Variants in C12orf54 observed in about 807,000 individuals in gnomAD.
C12orf54 encodes uncharacterized protein C12orf54.
C12orf54 carries 24 observed loss-of-function variants against 26.4 expected under a neutral mutation model. That is an observed-to-expected ratio of 0.91 (90% CI 0.66 to 1.28). The LOEUF (loss-of-function observed/expected upper bound fraction) is 1.28, where lower values mean the gene tolerates loss of function less well. C12orf54 is among the 50% of genes most tolerant of loss of function. C12orf54 has a pLI of 0.00. For missense variants in C12orf54, 154 were observed against 150.9 expected, an observed-to-expected ratio of 1.02 and a Z score of -0.11; for synonymous variants, 54 against 47.0, an observed-to-expected ratio of 1.15 and a Z score of -0.61.
At chr12:48,459,393 CAGA>C in the C12orf54 span, among the ~76,000 whole-genome samples, 2 of 116,642 alleles carry the variant, frequency 1.7e-5, no homozygotes, top group East Asian at 7.5e-4. Flanking sequence ...CAGTTCAAGG[CAGA>C]AGTTTTTAAA....
At chr12:48,438,316 T>C in the C12orf54 span, among the ~76,000 whole-genome samples, 2 of 152,160 alleles carry the variant, frequency 1.3e-5, no homozygotes, top group Non-Finnish European at 2.9e-5. Flanking sequence ...ATCGTGAAAA[T>C]GGCCATACGG....
At chr12:48,444,155 G>A in the C12orf54 span, among the ~76,000 whole-genome samples, 1 of 152,188 alleles carries the variant, frequency 6.6e-6, no homozygotes, top group Non-Finnish European at 1.5e-5. Context: ...GTTAAATAGT[G>A]TGTATTATTT....
the C12orf54 span, among the ~76,000 whole-genome samples, chr12:48,462,320 T>C: frequency 6.6e-6 from 1 of 151,464 alleles, no homozygotes; most frequent in Non-Finnish European, 1.5e-5. Flanking sequence ...CACATTTAAA[T>C]AATAAATAAT....
the C12orf54 span, among the ~76,000 whole-genome samples, chr12:48,428,422 C>G: frequency 6.6e-6 from 1 of 151,672 alleles, no homozygotes; most frequent in Non-Finnish European, 1.5e-5. Flanking sequence ...AGACCATTAG[C>G]AAGATTAACC....
chr12:48,482,897 C>A (rs1192882374), intron 1 of C12orf54, among the ~76,000 whole-genome samples: 1 of 152,054 alleles, frequency 6.6e-6, no homozygotes, highest in Non-Finnish European at 1.5e-5. Context: ...ATCCCCCATC[C>A]CCAATCTCAG....
At chr12:48,447,406 T>C in the C12orf54 span, among the ~76,000 whole-genome samples, 1 of 152,154 alleles carries the variant, frequency 6.6e-6, no homozygotes, top group African/African-American at 2.4e-5. Flanking sequence ...AGCAGTCCAA[T>C]TGACTAATAC....
the C12orf54 span, among the ~76,000 whole-genome samples, chr12:48,457,104 G>A: frequency 7.9e-5 from 12 of 151,986 alleles, no homozygotes; most frequent in African/African-American, 2.9e-4. Context: ...TGTGGTCTCT[G>A]TGTAATATGT....
At chr12:48,476,106 A>G in the C12orf54 span, among the ~76,000 whole-genome samples, 6 of 152,176 alleles carry the variant, frequency 3.9e-5, no homozygotes, top group East Asian at 1.9e-4. Context: ...ATTCTTAAAG[A>G]AAAGAATTTT....
chr12:48,489,541 T>C (rs1158053048), intron 5 of C12orf54, among the ~76,000 whole-genome samples: 1 of 152,008 alleles, frequency 6.6e-6, no homozygotes, highest in Non-Finnish European at 1.5e-5. Flanking sequence ...ATCTCCTCCC[T>C]TAGCCTCTCA....
chr12:48,453,950 T>A, the C12orf54 span, among the ~76,000 whole-genome samples: 1 of 152,130 alleles, frequency 6.6e-6, no homozygotes, highest in Non-Finnish European at 1.5e-5. Context: ...TTTAGATTCA[T>A]TGTACTTGAA....
chr12:48,459,939 A>T, the C12orf54 span, among the ~76,000 whole-genome samples: 1 of 152,112 alleles, frequency 6.6e-6, no homozygotes, highest in Non-Finnish European at 1.5e-5. Context: ...CATATGAATG[A>T]CCTCAGTTAC....
At chr12:48,454,197 A>G in the C12orf54 span, among the ~76,000 whole-genome samples, 1 of 148,332 alleles carries the variant, frequency 6.7e-6, no homozygotes, top group Non-Finnish European at 1.5e-5. Flanking sequence ...TCCTGGGTTC[A>G]AGTGATTCTC....
chr12:48,436,728 C>T, the C12orf54 span, among the ~76,000 whole-genome samples: 4 of 152,104 alleles, frequency 2.6e-5, no homozygotes, highest in African/African-American at 7.2e-5. Flanking sequence ...ACACAATATA[C>T]CAGAATCTCT....
chr12:48,434,007 T>C, the C12orf54 span, among the ~76,000 whole-genome samples: 1 of 152,148 alleles, frequency 6.6e-6, no homozygotes, highest in Non-Finnish European at 1.5e-5. Flanking sequence ...GAATTCCCTT[T>C]CCTACTCAAA....
chr12:48,472,829 C>T, the C12orf54 span: 1 of 1,614,078 alleles, frequency 6.2e-7, no homozygotes, highest in Non-Finnish European at 8.5e-7. Context: ...TAGGCCTCAC[C>T]TCAATTGCAA....
At chr12:48,414,674 G>T in the C12orf54 span, among the ~76,000 whole-genome samples, 68,228 of 152,028 alleles carry the variant, frequency 0.45, 17,413 homozygotes, top group Middle Eastern at 0.63. Flanking sequence ...AGTAATCTGG[G>T]CCCTAAGTTG....
chr12:48,481,527 C>G (rs2137082639), upstream of C12orf54, among the ~76,000 whole-genome samples: 1 of 152,144 alleles, frequency 6.6e-6, no homozygotes, highest in Non-Finnish European at 1.5e-5. Context: ...ACCTGGAGCT[C>G]TAAAATCAAA....
chr12:48,483,343 C>A lies in C12orf54; in HGVS notation c.47C>A (p.Thr16Asn). The A allele has an allele frequency of 1.2e-6, 2 of 1,613,886 alleles. No individual in the cohort carries two copies. Among genetic ancestry groups the A allele is most frequent in the Non-Finnish European group, 1.7e-6 (2 of 1,179,884 alleles). The change falls in exon 2 of 9, where the codon ACC (threonine) becomes AAC (asparagine). Residue 16 changes from threonine to asparagine, a missense_variant. By Grantham distance (65) the Thr-to-Asn change is moderately conservative (BLOSUM62 0). Transcript: ENST00000548364. Reference sequence around the variant, plus strand: ...GATCAGGAACAAAAGGTAGAAATGACCTCCAAGCAGCAGAGAAGGTAATGG... The same window carrying A: ...GATCAGGAACAAAAGGTAGAAATGAACTCCAAGCAGCAGAGAAGGTAATGG... ...CQDQEQKVEM[T>N]SKQQRSTSIE...
chr12:48,486,847 C>A (rs759231828), intron 4 of C12orf54, 121 bp downstream of exon 4: 2 of 935,746 alleles, frequency 2.1e-6, no homozygotes, highest in Non-Finnish European at 3.3e-6. Context: ...GGTGAAGGAT[C>A]AACACGCTCC....
Sources: allele counts gnomAD v4.1 joint callset (sites outside exome capture counted in the v4.1 genomes callset), GRCh38; gene constraint gnomAD v4.1.1; transcripts MANE v1.5; gene names NCBI Gene and HGNC (gene_info 2026-07-23, HGNC 2026-07-21).